The following IL15 variants were observed in gnomAD, a reference collection of about 807,000 sequenced individuals.
IL15 encodes interleukin-15.
Under a neutral mutation model 19.6 loss-of-function variants are expected in IL15, and 11 were observed. That is an observed-to-expected ratio of 0.56 (90% CI 0.35 to 0.93). The LOEUF is 0.93. Among genes scored for constraint, IL15 ranks in the 40% least tolerant of loss-of-function variants. The pLI, the probability that IL15 is intolerant of heterozygous loss-of-function variation, is 0.01. For synonymous variants in IL15, 58 were observed against 59.6 expected (o/e 0.97, Z 0.12); for missense variants, 197 against 186.5 (o/e 1.06, Z -0.33).
At chr4:141,705,746 C>A (rs1729492848) in intron 2 of IL15, among the ~76,000 whole-genome samples, 3 of 152,008 alleles carry the variant, frequency 2.0e-5, no homozygotes, top group African/African-American at 7.2e-5. Context: ...CTTTAGATAT[C>A]TGGGTGCTCT....
intron 2 of IL15, chr4:141,718,626 A>G (rs1729971217): frequency 6.6e-6 from 1 of 152,208 alleles, no homozygotes; most frequent in African/African-American, 2.4e-5. Flanking sequence ...ATTTTAAAGC[A>G]GCCATTTTTT....
chr4:141,701,285 GT>G (rs927712234), intron 2 of IL15, among the ~76,000 whole-genome samples: 173 of 143,848 alleles, frequency 1.2e-3, no homozygotes, highest in Middle Eastern at 7.2e-3. Context: ...TGGGACTGAG[GT>G]TTTTTTTTTT....
At chr4:141,662,711 AT>A (rs543076575) in intron 2 of IL15, among the ~76,000 whole-genome samples, 2 of 151,166 alleles carry the variant, frequency 1.3e-5, no homozygotes, top group African/African-American at 4.9e-5. Flanking sequence ...TCATCAACCT[AT>A]TTTTTTTCTG....
intron 2 of IL15, among the ~76,000 whole-genome samples, chr4:141,686,894 G>C (rs1312926933): frequency 2.0e-5 from 3 of 152,080 alleles, no homozygotes; most frequent in African/African-American, 7.2e-5. Context: ...CATACACTCA[G>C]ATTTCCTTTT....
chr4:141,664,388 CACAA>C (rs1727897914), intron 2 of IL15, among the ~76,000 whole-genome samples: 2 of 140,554 alleles, frequency 1.4e-5, no homozygotes, highest in African/African-American at 5.3e-5. Context: ...CACACACACA[CACAA>C]AACCAACAAC....
chr4:141,728,719 T>C (rs1730350483), intron 6 of IL15, among the ~76,000 whole-genome samples: 1 of 152,110 alleles, frequency 6.6e-6, no homozygotes, highest in South Asian at 2.1e-4. Flanking sequence ...AAAGAAACCA[T>C]AGTCAGAAAC....
chr4:141,709,977 G>A (rs1156943660), intron 2 of IL15, among the ~76,000 whole-genome samples: 3 of 151,762 alleles, frequency 2.0e-5, no homozygotes, highest in Middle Eastern at 3.2e-3. Context: ...CAACTTATAA[G>A]TGAGAAGATG....
At chr4:141,655,985 A>T (rs538236752) in intron 1 of IL15, among the ~76,000 whole-genome samples, 1 of 152,324 alleles carries the variant, frequency 6.6e-6, no homozygotes, top group African/African-American at 2.4e-5. Context: ...CAAGGACATG[A>T]GTTAAATTAT....
rs560784681 is a variant in IL15, at chr4:141,646,256, T to G, written c.-222+9508T>G. ...TCTCACTCTAATAAAAGCCAAATTC[T>G]GTTACAGTGGATATTAAGTCTCTTA... On this transcript the variant is annotated intron_variant, in intron 1 of 7. Transcript: ENST00000320650. Among the ~76,000 whole-genome samples the G allele has an allele frequency of 8.5e-5, 13 of 152,198 alleles. No individual in the cohort carries two copies. The South Asian group carries it at 2.3e-3, about 27-fold the overall frequency.
At chr4:141,640,017 TG>T (rs1560896924) in intron 1 of IL15, among the ~76,000 whole-genome samples, 1 of 152,216 alleles carries the variant, frequency 6.6e-6, no homozygotes, top group Non-Finnish European at 1.5e-5. Context: ...TGTGTGTGTA[TG>T]TATATATTGT....
intron 1 of IL15, among the ~76,000 whole-genome samples, chr4:141,655,980 A>G (rs1197439617): frequency 6.6e-6 from 1 of 152,200 alleles, no homozygotes; most frequent in East Asian, 1.9e-4. Context: ...GTCAGCAAGG[A>G]CATGAGTTAA....
intron 4 of IL15, chr4:141,721,200 AT>A (rs1219089991): frequency 3.4e-6 from 3 of 889,722 alleles, no homozygotes; most frequent in African/African-American, 1.6e-5. Context: ...CATAAGACAG[AT>A]TAGTGTTGAC....
intron 2 of IL15, among the ~76,000 whole-genome samples, chr4:141,681,694 C>G (rs1728537670): frequency 6.6e-6 from 1 of 152,040 alleles, no homozygotes; most frequent in Admixed American, 6.6e-5. Context: ...TACTGGAAAA[C>G]TAAGAAAAAA....
At chr4:141,661,562 A>G (rs2152162107) in intron 2 of IL15, among the ~76,000 whole-genome samples, 1 of 152,276 alleles carries the variant, frequency 6.6e-6, no homozygotes, top group Admixed American at 6.5e-5. Flanking sequence ...TCCTGCCTGC[A>G]CTGTGCACTT....
At chr4:141,720,669 C>A (rs952145536) in intron 4 of IL15, 103 bp downstream of exon 4, 5 of 744,560 alleles carry the variant, frequency 6.7e-6, no homozygotes, top group Non-Finnish European at 1.2e-5. Flanking sequence ...TTGCTTATAT[C>A]TCTAGGTACT....
intron 2 of IL15, among the ~76,000 whole-genome samples, chr4:141,697,021 T>C (rs897484365): frequency 1.3e-5 from 2 of 152,080 alleles, no homozygotes; most frequent in Non-Finnish European, 2.9e-5. Flanking sequence ...TTTAATGAGG[T>C]TCCATTTATT....
chr4:141,641,898 T>C (rs1345976996), intron 1 of IL15, among the ~76,000 whole-genome samples: 1 of 151,022 alleles, frequency 6.6e-6, no homozygotes, highest in Non-Finnish European at 1.5e-5. Flanking sequence ...AGAAAGGTGC[T>C]AAGTGCTAAG....
In IL15 at chr4:141,639,731, G is replaced by A. The variant is rs998295312; in HGVS notation, c.-222+2983G>A. Among the ~76,000 whole-genome samples, 8 of 152,158 alleles carry A rather than the reference G, an allele frequency of 5.3e-5. No homozygotes were observed. The South Asian group carries it at 1.2e-3, about 24-fold the overall frequency. ...TGGCAAGAAGCCACTTCTTTTGCTCGATATTAGCTCTTTGATTTACTTACC... is the reference window on the plus strand; with the variant it reads ...TGGCAAGAAGCCACTTCTTTTGCTCAATATTAGCTCTTTGATTTACTTACC... On this transcript the variant is annotated intron_variant, in intron 1 of 7. Coordinates refer to ENST00000320650, the MANE Select transcript of IL15 (RefSeq NM_000585.5).
chr4:141,727,403 C>T (rs1372316285), intron 5 of IL15, among the ~76,000 whole-genome samples: 6 of 151,382 alleles, frequency 4.0e-5, no homozygotes, highest in Admixed American at 6.6e-5. Flanking sequence ...GATATGAGTC[C>T]GTTTACATAA....
Sources: allele counts gnomAD v4.1 joint callset (sites outside exome capture counted in the v4.1 genomes callset), GRCh38; gene constraint gnomAD v4.1.1; transcripts MANE v1.5; gene names NCBI Gene and HGNC (gene_info 2026-07-23, HGNC 2026-07-21).